EVA1C: variants seen among roughly 807,000 people sequenced by gnomAD.
The protein encoded by EVA1C is eva-1 homolog C, also known as protein eva-1 homolog C.
Under a neutral mutation model 45.4 loss-of-function variants are expected in EVA1C, and 25 were observed. The ratio of observed to expected loss-of-function variants is 0.55; its 90% CI spans 0.40 to 0.77. The LOEUF (loss-of-function observed/expected upper bound fraction) is 0.77. Ranked by LOEUF, EVA1C falls within the 30% of genes least tolerant of loss-of-function variation. EVA1C has a pLI of 0.00. For missense variants in EVA1C, 479 were observed against 554.8 expected (o/e 0.86, Z 1.37); for synonymous variants, 190 against 221.2 (o/e 0.86, Z 1.25).
intron 1 of EVA1C, among the ~76,000 whole-genome samples, chr21:32,437,519 C>T (rs1313762926): frequency 7.9e-5 from 12 of 152,224 alleles, no homozygotes. Flanking sequence ...CGCATCCCTT[C>T]AGGTTAAGAT....
chr21:32,415,567 T>C lies in EVA1C; in HGVS notation c.160+2554T>C, dbSNP rs1032532287. On this transcript the variant is annotated intron_variant, in intron 1 of 7. Coordinates refer to ENST00000300255, the MANE Select transcript of EVA1C (RefSeq NM_058187.5). ...TTCCTGGGGCTGTCAGCTGGTGTCG[T>C]TTTCCTGGGTCATTGATTTTTTTTT... Among the ~76,000 whole-genome samples the C allele has an allele frequency of 9.2e-5, 14 of 152,092 alleles. 1 individual carries two copies. The highest frequency in any genetic ancestry group is 3.2e-3 in the Middle Eastern group (1 of 316).
chr21:32,482,140 T>C (rs1430219589), intron 4 of EVA1C, among the ~76,000 whole-genome samples: 1 of 152,062 alleles, frequency 6.6e-6, no homozygotes, highest in Non-Finnish European at 1.5e-5. Context: ...TTTGTCCGAG[T>C]GAGGAAACTG....
chr21:32,437,151 CTCTT>C (rs1489317274), intron 1 of EVA1C, among the ~76,000 whole-genome samples: 3 of 148,876 alleles, frequency 2.0e-5, no homozygotes, highest in African/African-American at 7.5e-5. Flanking sequence ...CAGAGCGAGA[CTCTT>C]TCTCAAAACA....
chr21:32,488,612 G>A (rs888479683), intron 4 of EVA1C, among the ~76,000 whole-genome samples: 4 of 150,172 alleles, frequency 2.7e-5, no homozygotes, highest in Non-Finnish European at 3.0e-5. Context: ...TTGAGATGGA[G>A]TCTTGCTCTG....
At chr21:32,481,759 G>A (rs548773236) in intron 4 of EVA1C, among the ~76,000 whole-genome samples, 3 of 152,184 alleles carry the variant, frequency 2.0e-5, no homozygotes, top group East Asian at 1.9e-4. Context: ...AGCTTGAAAC[G>A]TACCTTAAAA....
chr21:32,476,380 G>A (rs1048986500), intron 4 of EVA1C, among the ~76,000 whole-genome samples: 1 of 152,092 alleles, frequency 6.6e-6, no homozygotes, highest in Non-Finnish European at 1.5e-5. Context: ...GGTGGCTCAC[G>A]ACTGGAATCC....
chr21:32,451,167 G>A (rs1406438445), intron 1 of EVA1C, among the ~76,000 whole-genome samples: 1 of 152,112 alleles, frequency 6.6e-6, no homozygotes, highest in East Asian at 1.9e-4. Context: ...CGAGAATTAT[G>A]TTTCTGAGAG....
At position 32,467,805 on chromosome 21, in the gene EVA1C, A is replaced by T; in HGVS notation, c.591A>T (p.Glu197Asp). The change falls in exon 4 of 8, where the codon GAA becomes GAT. Residue 197 changes from glutamate (E) to aspartate (D), a missense_variant. Physicochemically the swap from Glu to Asp is conservative, Grantham distance 45. Coordinates refer to ENST00000300255, the MANE Select transcript of EVA1C (RefSeq NM_058187.5). ...CGACCTACGGCAGGAGGACCCAGGA[A>T]AGGGACATCTGCTCCTCCAAGGCAG... is the stretch of plus-strand genomic sequence containing the variant. ...YSATYGRRTQ[E>D]RDICSSKAER... is the part of the protein sequence containing the mutation. 6.2e-7 allele frequency: 1 copy of T among 1,612,842 alleles called. No individual in the cohort carries two copies. The highest frequency in any genetic ancestry group is 1.1e-5 in the South Asian group (1 of 90,844).
chr21:32,491,402 C>T (rs1381557890), intron 4 of EVA1C, among the ~76,000 whole-genome samples: 1 of 151,714 alleles, frequency 6.6e-6, no homozygotes, highest in Non-Finnish European at 1.5e-5. Context: ...AGAAGGGGCA[C>T]AGTGGGCCGG....
intron 5 of EVA1C, among the ~76,000 whole-genome samples, chr21:32,500,190 ATTTTTTTTT>A (rs538897939): frequency 1.1e-4 from 10 of 91,096 alleles, no homozygotes; most frequent in South Asian, 4.1e-4. Context: ...TAACCACCCT[ATTTTTTTTT>A]TTTTTTTTTT....
chr21:32,473,689 T>C (rs1282574690), intron 4 of EVA1C, among the ~76,000 whole-genome samples: 1 of 152,208 alleles, frequency 6.6e-6, no homozygotes, highest in Non-Finnish European at 1.5e-5. Context: ...AGAGGGATTG[T>C]ATTTATTTAT....
intron 2 of EVA1C, 123 bp from the exon 3 acceptor site, chr21:32,457,474 A>G: frequency 9.0e-7 from 1 of 1,105,138 alleles, no homozygotes; most frequent in Non-Finnish European, 1.4e-6. Flanking sequence ...TTGGCCTTAG[A>G]CACAGCTTGG....
intron 1 of EVA1C, among the ~76,000 whole-genome samples, chr21:32,447,915 G>C (rs1430389595): frequency 1.3e-5 from 2 of 152,152 alleles, no homozygotes; most frequent in Non-Finnish European, 2.9e-5. Flanking sequence ...ATGTTAGTCA[G>C]GCTGGTTTTG....
chr21:32,448,666 T>G (rs1482445297), intron 1 of EVA1C, among the ~76,000 whole-genome samples: 1 of 152,058 alleles, frequency 6.6e-6, no homozygotes, highest in Non-Finnish European at 1.5e-5. Context: ...CCCAGCACTT[T>G]GAGAGGCTGA....
At chr21:32,418,756 GAA>G (rs11338845) in intron 1 of EVA1C, among the ~76,000 whole-genome samples, 6 of 151,266 alleles carry the variant, frequency 4.0e-5, no homozygotes, top group Non-Finnish European at 8.8e-5. Flanking sequence ...AGCAAGGCCA[GAA>G]AAAAAAAGTA....
intron 4 of EVA1C, among the ~76,000 whole-genome samples, chr21:32,476,954 G>T (rs372763407): frequency 6.6e-6 from 1 of 152,174 alleles, no homozygotes; most frequent in African/African-American, 2.4e-5. Context: ...ACTGCATCAG[G>T]GCAGGCACGG....
intron 4 of EVA1C, among the ~76,000 whole-genome samples, chr21:32,476,029 T>C (rs958334923): frequency 2.0e-5 from 3 of 152,302 alleles, no homozygotes; most frequent in African/African-American, 7.2e-5. Context: ...AAATAGTCCT[T>C]CGATGTGGTT....
At chr21:32,418,553 G>A (rs58793912) in intron 1 of EVA1C, among the ~76,000 whole-genome samples, 35,102 of 152,010 alleles carry the variant, frequency 0.23, 6,557 homozygotes, top group African/African-American at 0.51. Flanking sequence ...TTTCATCCTC[G>A]TAGCAACTCT....
chr21:32,428,214 A>G (rs1471234214), intron 1 of EVA1C: 1 of 152,162 alleles, frequency 6.6e-6, no homozygotes, highest in Non-Finnish European at 1.5e-5. Flanking sequence ...TCCCGCGCCC[A>G]ACGTCACCCA....
Sources: gnomAD v4.1 joint callset for allele counts (sites outside exome capture counted in the v4.1 genomes callset) on GRCh38, gnomAD v4.1.1 for gene constraint, MANE v1.5 for transcripts, NCBI Gene and HGNC (gene_info 2026-07-23, HGNC 2026-07-21) for gene names.